Variants in CDK14 observed in about 807,000 individuals in gnomAD.
CDK14 encodes the protein cyclin dependent kinase 14.
In CDK14, 34 loss-of-function variants were observed where a neutral mutation model predicts 60.7. The ratio of observed to expected loss-of-function variants is 0.56; its 90% CI spans 0.43 to 0.75. The LOEUF (loss-of-function observed/expected upper bound fraction) is 0.75. Ranked by LOEUF, CDK14 falls within the 30% of genes least tolerant of loss-of-function variation. The pLI is 0.00. For missense variants in CDK14, 482 were observed against 564.1 expected, an observed-to-expected ratio of 0.85 and a Z score of 1.47; for synonymous variants, 197 against 203.7, an observed-to-expected ratio of 0.97 and a Z score of 0.28.
At chr7:90,695,334 T>C (rs949940588) in intron 2 of CDK14, among the ~76,000 whole-genome samples, 7 of 152,372 alleles carry the variant, frequency 4.6e-5, no homozygotes, top group Admixed American at 2.6e-4. Flanking sequence ...ATGGTTTCTT[T>C]GGCGTCATAC....
At chr7:91,107,716 C>G (rs1464455062) in intron 12 of CDK14, 1 of 152,192 alleles carries the variant, frequency 6.6e-6, no homozygotes, top group Non-Finnish European at 1.5e-5. Flanking sequence ...AGCAGTTTTT[C>G]TCTTTGGAGC....
At chr7:90,896,895 T>C (rs1000009321) in intron 6 of CDK14, among the ~76,000 whole-genome samples, 3 of 152,216 alleles carry the variant, frequency 2.0e-5, no homozygotes, top group African/African-American at 4.8e-5. Flanking sequence ...TTTCTCTTTG[T>C]CTCATACATT....
chr7:90,864,988 G>T (rs547619743), intron 6 of CDK14, among the ~76,000 whole-genome samples: 4 of 152,196 alleles, frequency 2.6e-5, no homozygotes, highest in Admixed American at 2.6e-4. Context: ...TTTAGAGATT[G>T]AGGCCAACTT....
At chr7:90,890,605 A>G (rs145816569) in intron 6 of CDK14, among the ~76,000 whole-genome samples, 1 of 152,344 alleles carries the variant, frequency 6.6e-6, no homozygotes, top group East Asian at 1.9e-4. Context: ...AGTGAAGTAG[A>G]TAAGTACTGT....
chr7:91,062,453 C>T (rs1028989056), intron 11 of CDK14, among the ~76,000 whole-genome samples: 3 of 152,020 alleles, frequency 2.0e-5, no homozygotes, highest in Non-Finnish European at 2.9e-5. Context: ...CCTGGTACCT[C>T]AGTTGGAAAT....
At chr7:91,147,162 T>TCA (rs71107808) in intron 14 of CDK14, among the ~76,000 whole-genome samples, 1,255 of 124,714 alleles carry the variant, frequency 0.01, 31 homozygotes, top group African/African-American at 0.038. Context: ...TCTCTCTCTC[T>TCA]CACACACACA....
intron 9 of CDK14, among the ~76,000 whole-genome samples, chr7:90,971,071 G>A (rs552217036): frequency 2.1e-4 from 30 of 146,158 alleles, no homozygotes; most frequent in East Asian, 6.5e-4. Flanking sequence ...ATCCCTCCCC[G>A]CTCCCCCCAC....
intron 10 of CDK14, among the ~76,000 whole-genome samples, chr7:90,998,214 C>G (rs184602703): frequency 5.5e-4 from 83 of 152,194 alleles, no homozygotes; most frequent in African/African-American, 1.9e-3. Context: ...TTTTGTTTAT[C>G]TTTCCAAATG....
chr7:90,630,660 C>T lies in CDK14; in HGVS notation c.123+26411C>T, dbSNP rs917588266. ...TTGAATTATTATGTATATAACTGCA[C>T]TAATACACGTTTGTAGGAAATATGA... On this transcript the variant is annotated intron_variant, in intron 2 of 14. Transcript: ENST00000380050. 2.0e-5 allele frequency among the ~76,000 whole-genome samples: 3 copies of T among 152,186 alleles called. No homozygotes were observed. In the South Asian group the frequency reaches 6.2e-4, roughly 32 times the overall value.
At chr7:90,638,751 G>A (rs943589143) in intron 2 of CDK14, among the ~76,000 whole-genome samples, 11 of 152,222 alleles carry the variant, frequency 7.2e-5, no homozygotes, top group Middle Eastern at 3.4e-3. Context: ...TATTCTCCTC[G>A]TCACTTTCAG....
intron 14 of CDK14, among the ~76,000 whole-genome samples, chr7:91,173,869 G>T (rs1026172638): frequency 6.6e-6 from 1 of 152,178 alleles, no homozygotes; most frequent in South Asian, 2.1e-4. Context: ...AGGCGGCAGC[G>T]AGGCTGGGGG....
intron 14 of CDK14, among the ~76,000 whole-genome samples, chr7:91,191,005 T>A (rs10259207): frequency 0.011 from 1,697 of 152,252 alleles, 34 homozygotes; most frequent in African/African-American, 0.038. Flanking sequence ...CACTTTCAGA[T>A]TTGAGGAGGG....
chr7:90,727,028 A>C (rs1283602057), intron 3 of CDK14, among the ~76,000 whole-genome samples: 1 of 152,142 alleles, frequency 6.6e-6, no homozygotes, highest in Non-Finnish European at 1.5e-5. Flanking sequence ...GATTCAACTT[A>C]TTTTTGGAAA....
chr7:90,708,227 A>C (rs1259060880), intron 2 of CDK14, among the ~76,000 whole-genome samples: 1 of 152,190 alleles, frequency 6.6e-6, no homozygotes, highest in Non-Finnish European at 1.5e-5. Flanking sequence ...AGGGCCTTAA[A>C]ATGGGGAAAA....
At chr7:90,828,468 C>T (rs1034077214) in intron 5 of CDK14, among the ~76,000 whole-genome samples, 13 of 152,204 alleles carry the variant, frequency 8.5e-5, no homozygotes, top group African/African-American at 2.9e-4. Context: ...AGACACCTAA[C>T]TTCCTTCAGC....
chr7:91,095,193 T>C (rs766797094), intron 12 of CDK14, among the ~76,000 whole-genome samples: 1 of 152,252 alleles, frequency 6.6e-6, no homozygotes. Flanking sequence ...TGGCAGCCTG[T>C]AAGCATATGA....
chr7:90,994,484 T>G (rs1795624327), intron 10 of CDK14, among the ~76,000 whole-genome samples: 1 of 152,208 alleles, frequency 6.6e-6, no homozygotes, highest in Non-Finnish European at 1.5e-5. Flanking sequence ...AGATCCCATT[T>G]GTACATAAGA....
chr7:91,021,508 A>T (rs979262770), intron 10 of CDK14, among the ~76,000 whole-genome samples: 6 of 152,338 alleles, frequency 3.9e-5, no homozygotes, highest in Non-Finnish European at 5.9e-5. Context: ...TCCAGCTCCA[A>T]CATTATGGTT....
chr7:90,618,614 A>AG (rs1305676843), intron 2 of CDK14, among the ~76,000 whole-genome samples: 1 of 152,116 alleles, frequency 6.6e-6, no homozygotes, highest in Non-Finnish European at 1.5e-5. Flanking sequence ...GGGAAGATGA[A>AG]GGGGGAAGTC....
Sources: gnomAD v4.1 joint callset for allele counts (sites outside exome capture counted in the v4.1 genomes callset) on GRCh38, gnomAD v4.1.1 for gene constraint, MANE v1.5 for transcripts, NCBI Gene and HGNC (gene_info 2026-07-23, HGNC 2026-07-21) for gene names.